Variants in DCAF6 observed in about 807,000 individuals in gnomAD.
DCAF6 encodes the protein DDB1- and CUL4-associated factor 6.
DCAF6 carries 54 observed loss-of-function variants against 125.1 expected under a neutral mutation model. The observed-to-expected ratio is 0.43, with a 90% confidence interval of 0.35 to 0.54. The LOEUF (loss-of-function observed/expected upper bound fraction) is 0.54, where lower values mean the gene tolerates loss of function less well. DCAF6 is among the 20% of genes least tolerant of loss of function. The probability of loss-of-function intolerance (pLI) is 0.01; values close to 1 mark genes in which losing one functional copy is unlikely to be tolerated. For synonymous variants in DCAF6, 371 were observed against 390.4 expected, an observed-to-expected ratio of 0.95 and a Z score of 0.58; for missense variants, 934 against 1,161.7, an observed-to-expected ratio of 0.80 and a Z score of 2.85.
the DCAF6 span, among the ~76,000 whole-genome samples, chr1:167,870,638 C>CAAAAAAAA: frequency 3.2e-5 from 3 of 93,742 alleles, no homozygotes; most frequent in African/African-American, 4.3e-5. Flanking sequence ...ACTGAAAATA[C>CAAAAAAAA]AAAAAAAAAA....
chr1:167,924,775 AT>A, the DCAF6 span, among the ~76,000 whole-genome samples: 47 of 152,036 alleles, frequency 3.1e-4, no homozygotes, highest in Admixed American at 7.9e-4. Context: ...CTGTATGCAA[AT>A]TTTTTTCAGT....
chr1:167,920,460 C>G, the DCAF6 span: 8 of 1,357,028 alleles, frequency 5.9e-6, no homozygotes, highest in Non-Finnish European at 8.2e-6. Flanking sequence ...GTATTTCAAA[C>G]ACTAAGCCAC....
the DCAF6 span, among the ~76,000 whole-genome samples, chr1:167,889,596 G>A: frequency 0.012 from 1,796 of 152,232 alleles, 32 homozygotes; most frequent in African/African-American, 0.033. Flanking sequence ...TGTAGAATGA[G>A]TTTGGAAGTA....
the DCAF6 span, chr1:167,904,078 T>C: frequency 1.5e-5 from 8 of 525,228 alleles, no homozygotes; most frequent in Non-Finnish European, 2.7e-5. Context: ...GCAGCGGGCC[T>C]CAGCTTTTTT....
chr1:167,992,989 C>T (rs1681085039), intron 6 of DCAF6, among the ~76,000 whole-genome samples: 1 of 152,098 alleles, frequency 6.6e-6, no homozygotes, highest in Non-Finnish European at 1.5e-5. Flanking sequence ...CATACGTAAT[C>T]TGGAATTCTA....
intron 10 of DCAF6, among the ~76,000 whole-genome samples, chr1:168,009,912 CT>C (rs1436865241): frequency 6.6e-6 from 1 of 150,942 alleles, no homozygotes; most frequent in Non-Finnish European, 1.5e-5. Context: ...GAGTAAGCAT[CT>C]TTTTTCCCCA....
rs1463972481 is a variant in DCAF6 at position 168,044,797 on chromosome 1, A to G, written c.1931-103A>G. 2.1e-5 allele frequency: 30 copies of G among 1,436,042 alleles called. No individual in the cohort carries two copies. The Admixed American group carries it at 5.6e-4, about 27-fold the overall frequency. 89.0% of individuals were successfully genotyped at this position (1,436,042 alleles called of 1,614,324 possible). A position where few individuals can be genotyped will look rare whatever the true frequency, so the allele number is the denominator to read the frequency against. ...GGAAGTTTCCTCCCCTTATAGAGGA[A>G]TTAGACATCATATTAGAATGTGTTT... On this transcript the variant is annotated intron_variant, in intron 15 of 21. Coordinates refer to ENST00000367840, the MANE Select transcript of DCAF6 (RefSeq NM_001198956.2).
At chr1:168,003,761 AT>A in intron 8 of DCAF6, 108 bp from the exon 9 acceptor site, 2 of 999,790 alleles carry the variant, frequency 2.0e-6, no homozygotes, top group Non-Finnish European at 1.4e-6. Flanking sequence ...AGGAAATTTG[AT>A]TTTTAAAAAT....
the DCAF6 span, chr1:167,893,919 C>T: frequency 1.9e-6 from 3 of 1,613,398 alleles, no homozygotes; most frequent in Non-Finnish European, 2.5e-6. Context: ...CAGGCTTCAG[C>T]GTGCATGCAA....
chr1:168,062,302 T>C (rs780190155), intron 17 of DCAF6, among the ~76,000 whole-genome samples: 11 of 152,212 alleles, frequency 7.2e-5, no homozygotes, highest in Non-Finnish European at 1.6e-4. Context: ...TTATACTGTT[T>C]CTAAATTCTG....
At chr1:167,883,900 T>A in the DCAF6 span, among the ~76,000 whole-genome samples, 1 of 152,208 alleles carries the variant, frequency 6.6e-6, no homozygotes, top group Non-Finnish European at 1.5e-5. Context: ...TATGAGCCAT[T>A]GCAATAAGGG....
chr1:167,961,834 G>T (rs1675652123), intron 2 of DCAF6, among the ~76,000 whole-genome samples: 1 of 152,138 alleles, frequency 6.6e-6, no homozygotes, highest in Non-Finnish European at 1.5e-5. Context: ...AAGTATTTTG[G>T]ATTTCAGAAA....
At chr1:168,043,286 G>C (rs897660296) in intron 14 of DCAF6, 146 bp downstream of exon 14, 4 of 633,104 alleles carry the variant, frequency 6.3e-6, no homozygotes, top group African/African-American at 5.5e-5. Context: ...CTGATAGATA[G>C]CAAATCCAAA....
intron 7 of DCAF6, among the ~76,000 whole-genome samples, chr1:167,996,091 A>G (rs959474001): frequency 9.2e-5 from 14 of 152,196 alleles, no homozygotes; most frequent in South Asian, 2.1e-4. Context: ...AGTTTGTTGT[A>G]TGATTTTGTC....
At chr1:167,989,726 T>C (rs1367501046) in intron 5 of DCAF6, among the ~76,000 whole-genome samples, 2 of 151,960 alleles carry the variant, frequency 1.3e-5, no homozygotes, top group Non-Finnish European at 2.9e-5. Context: ...CTACTAAAAA[T>C]ACAAAATAGC....
At chr1:168,004,848 T>C in intron 10 of DCAF6, 55 bp downstream of exon 10, 1 of 1,561,970 alleles carries the variant, frequency 6.4e-7, no homozygotes, top group Admixed American at 1.8e-5. Flanking sequence ...GAAAATTTCT[T>C]TACTGGCTAT....
In DCAF6 at chr1:167,990,317, G is replaced by A. The variant is rs187002774; in HGVS notation, c.553-887G>A. Among the ~76,000 whole-genome samples, 242 of 151,742 alleles carry A rather than the reference G, an allele frequency of 1.6e-3. 1 individual carries two copies. Among genetic ancestry groups the A allele is most frequent in the Middle Eastern group, 3.4e-3 (1 of 292 alleles). On this transcript the variant is annotated intron_variant, in intron 5 of 21. Coordinates refer to ENST00000367840, the MANE Select transcript of DCAF6 (RefSeq NM_001198956.2). The stretch of plus-strand genomic sequence containing the variant: ...CAAGAGTTTGAGGTTACAATGAGCT[G>A]TGATCACACCACTGTAAGCCTGGGC...
intron 12 of DCAF6, among the ~76,000 whole-genome samples, chr1:168,027,797 T>G (rs1433434712): frequency 6.6e-6 from 1 of 152,152 alleles, no homozygotes; most frequent in East Asian, 1.9e-4. Context: ...TGAGTGCAAC[T>G]GGTGTCTTTG....
chr1:168,049,441 T>G (rs1164997310), intron 16 of DCAF6, among the ~76,000 whole-genome samples: 2 of 147,150 alleles, frequency 1.4e-5, no homozygotes, highest in African/African-American at 2.5e-5. Context: ...GTTTTTTTTT[T>G]TTTTTTTTTT....
Sources: gnomAD v4.1 joint callset for allele counts (sites outside exome capture counted in the v4.1 genomes callset) on GRCh38, gnomAD v4.1.1 for gene constraint, MANE v1.5 for transcripts, NCBI Gene and HGNC (gene_info 2026-07-23, HGNC 2026-07-21) for gene names.